The following GALNT13 variants were observed in gnomAD, a reference collection of about 807,000 sequenced individuals.
GALNT13 encodes polypeptide N-acetylgalactosaminyltransferase 13.
GALNT13 carries 28 observed loss-of-function variants against 64.2 expected under a neutral mutation model. The ratio of observed to expected loss-of-function variants is 0.44; its 90% confidence interval spans 0.32 to 0.60. The LOEUF is 0.60. Ranked by LOEUF, GALNT13 falls within the 20% of genes least tolerant of loss-of-function variation. The probability of loss-of-function intolerance (pLI) is 0.05; values close to 1 mark genes in which losing one functional copy is unlikely to be tolerated. For missense variants in GALNT13, 577 were observed against 669.8 expected (o/e 0.86, Z 1.53); for synonymous variants, 214 against 224.6 (o/e 0.95, Z 0.42).
intron 2 of GALNT13, among the ~76,000 whole-genome samples, chr2:153,913,434 T>C (rs966663085): frequency 6.6e-6 from 1 of 152,084 alleles, no homozygotes; most frequent in Non-Finnish European, 1.5e-5. Context: ...AGAGTTCAGG[T>C]TGGACAGTTC....
At chr2:154,412,212 A>G (rs1172215892) in intron 11 of GALNT13, among the ~76,000 whole-genome samples, 1 of 151,850 alleles carries the variant, frequency 6.6e-6, no homozygotes, top group African/African-American at 2.4e-5. Flanking sequence ...AAATTTAACC[A>G]TCATATAAAA....
At chr2:154,416,183 T>A (rs901111432) in intron 11 of GALNT13, among the ~76,000 whole-genome samples, 1 of 152,116 alleles carries the variant, frequency 6.6e-6, no homozygotes, top group Admixed American at 6.6e-5. Flanking sequence ...CTATCTGGGT[T>A]GCTATAATAA....
chr2:153,514,324 G>A, the GALNT13 span, among the ~76,000 whole-genome samples: 1 of 152,194 alleles, frequency 6.6e-6, no homozygotes, highest in East Asian at 1.9e-4. Flanking sequence ...CCAATTGATT[G>A]TTTTCATACT....
At chr2:154,210,087 T>C (rs1057191077) in intron 4 of GALNT13, among the ~76,000 whole-genome samples, 2 of 152,174 alleles carry the variant, frequency 1.3e-5, no homozygotes, top group African/African-American at 4.8e-5. Flanking sequence ...TAAGATCATG[T>C]GGTATTTGTC....
chr2:153,534,079 TG>T, the GALNT13 span, among the ~76,000 whole-genome samples: 1 of 152,092 alleles, frequency 6.6e-6, no homozygotes, highest in Non-Finnish European at 1.5e-5. Flanking sequence ...CATCTTTTCT[TG>T]CATGCTGCCT....
the GALNT13 span, among the ~76,000 whole-genome samples, chr2:153,316,169 A>G: frequency 6.6e-6 from 1 of 152,140 alleles, no homozygotes; most frequent in South Asian, 2.1e-4. Context: ...AATCTCAAGC[A>G]TTGATGAGGA....
chr2:153,841,910 T>C, the GALNT13 span, among the ~76,000 whole-genome samples: 1 of 152,166 alleles, frequency 6.6e-6, no homozygotes, highest in Non-Finnish European at 1.5e-5. Flanking sequence ...TTTGTACTGT[T>C]AGCGGTTCTC....
chr2:154,191,544 G>A (rs1328418682), intron 4 of GALNT13, among the ~76,000 whole-genome samples: 1 of 152,204 alleles, frequency 6.6e-6, no homozygotes, highest in African/African-American at 2.4e-5. Context: ...ATCAACCTGA[G>A]TAATCCACTC....
the GALNT13 span, among the ~76,000 whole-genome samples, chr2:153,656,038 A>G: frequency 6.6e-6 from 1 of 152,260 alleles, no homozygotes; most frequent in South Asian, 2.1e-4. Flanking sequence ...TTGTTATGCA[A>G]ACTGTGAATG....
chr2:154,077,814 T>G (rs1701065328), intron 3 of GALNT13, among the ~76,000 whole-genome samples: 4 of 151,574 alleles, frequency 2.6e-5, no homozygotes. Flanking sequence ...GTTAAGTAAA[T>G]TATGTCTGTC....
At chr2:154,137,776 C>G (rs1263299831) in intron 3 of GALNT13, among the ~76,000 whole-genome samples, 1 of 152,006 alleles carries the variant, frequency 6.6e-6, no homozygotes, top group Non-Finnish European at 1.5e-5. Context: ...TGGTGACTTT[C>G]TCTGCAGCAT....
At chr2:153,346,530 T>A in the GALNT13 span, among the ~76,000 whole-genome samples, 3 of 152,184 alleles carry the variant, frequency 2.0e-5, no homozygotes, top group Admixed American at 2.0e-4. Context: ...TTTTTTTTAA[T>A]GAAAGATTCT....
At chr2:153,943,561 C>A (rs1207330659) in intron 2 of GALNT13, among the ~76,000 whole-genome samples, 1 of 151,144 alleles carries the variant, frequency 6.6e-6, no homozygotes, top group Non-Finnish European at 1.5e-5. Context: ...ATTGTGTGAT[C>A]TCAGCTTACT....
chr2:154,244,675 G>A (rs1231453926), intron 6 of GALNT13, among the ~76,000 whole-genome samples: 1 of 152,134 alleles, frequency 6.6e-6, no homozygotes, highest in African/African-American at 2.4e-5. Context: ...ATCACAGAAG[G>A]TTGGTCCCAT....
the GALNT13 span, among the ~76,000 whole-genome samples, chr2:153,620,212 C>T: frequency 2.6e-5 from 4 of 152,094 alleles, no homozygotes; most frequent in Admixed American, 6.6e-5. Context: ...AAACCTCCAC[C>T]TCCCAGGTTC....
chr2:154,171,424 G>A (rs1685342367), intron 4 of GALNT13, among the ~76,000 whole-genome samples: 1 of 151,990 alleles, frequency 6.6e-6, no homozygotes, highest in African/African-American at 2.4e-5. Context: ...TTATAAAAAT[G>A]GTTTCATATA....
chr2:153,630,807 ATTTTT>A, the GALNT13 span, among the ~76,000 whole-genome samples: 142 of 21,974 alleles, frequency 6.5e-3, 1 homozygote, highest in East Asian at 0.011. Flanking sequence ...ATATATATAT[ATTTTT>A]TTTTTTTTTT....
the GALNT13 span, among the ~76,000 whole-genome samples, chr2:153,739,577 T>C: frequency 7.0e-6 from 1 of 142,398 alleles, no homozygotes; most frequent in East Asian, 2.0e-4. Flanking sequence ...TATTTATTTA[T>C]TCATTATTTT....
At chr2:153,488,121 C>T in the GALNT13 span, among the ~76,000 whole-genome samples, 1 of 152,190 alleles carries the variant, frequency 6.6e-6, no homozygotes, top group Non-Finnish European at 1.5e-5. Context: ...TTGTAATTCA[C>T]TGACAGCAGC....
Sources: allele counts gnomAD v4.1 joint callset (sites outside exome capture counted in the v4.1 genomes callset), GRCh38; gene constraint gnomAD v4.1.1; transcripts MANE v1.5; gene names NCBI Gene and HGNC (gene_info 2026-07-23, HGNC 2026-07-21).